The following CFAP58 variants were observed in gnomAD, a reference collection of about 807,000 sequenced individuals.
CFAP58 encodes the protein cilia and flagella associated protein 58, also known as cilia- and flagella-associated protein 58.
A neutral mutation model predicts 119.5 loss-of-function variants in CFAP58; 88 were observed. That is an observed-to-expected ratio of 0.74 (90% CI 0.62 to 0.88). The LOEUF (loss-of-function observed/expected upper bound fraction) is 0.88. Among genes scored for constraint, CFAP58 ranks in the 40% least tolerant of loss-of-function variants. The probability of loss-of-function intolerance (pLI) is 0.00; values close to 1 mark genes in which losing one functional copy is unlikely to be tolerated. For synonymous variants in CFAP58, 365 were observed against 366.3 expected (o/e 1.00, Z 0.04); for missense variants, 990 against 1,021.2 (o/e 0.97, Z 0.42).
intron 15 of CFAP58, among the ~76,000 whole-genome samples, chr10:104,413,844 A>T (rs916806886): frequency 2.6e-5 from 4 of 152,180 alleles, no homozygotes; most frequent in African/African-American, 9.7e-5. Context: ...ATAAGGCATG[A>T]TAGCATTGGA....
At chr10:104,421,189 A>C (rs1488765228) in intron 15 of CFAP58, among the ~76,000 whole-genome samples, 4 of 152,226 alleles carry the variant, frequency 2.6e-5, no homozygotes, top group African/African-American at 7.2e-5. Flanking sequence ...AGTAGTAGAT[A>C]TGGAACCTCA....
chr10:104,412,895 AAT>A (rs1391097827), intron 15 of CFAP58, among the ~76,000 whole-genome samples: 2 of 152,174 alleles, frequency 1.3e-5, no homozygotes, highest in African/African-American at 4.8e-5. Context: ...TCTTAGCTTA[AAT>A]ATTTTTTCCT....
rs117225345 is a variant in CFAP58, at chr10:104,394,186, A to G, written c.1674+711A>G. Reference sequence around the variant, plus strand: ...TTATGCCATTTTAAATCCTCTAACCAAATATGTTTCACTATACACACCACT... The same window carrying G: ...TTATGCCATTTTAAATCCTCTAACCGAATATGTTTCACTATACACACCACT... On this transcript the variant is annotated intron_variant, in intron 11 of 17. Coordinates refer to ENST00000369704, the MANE Select transcript of CFAP58 (RefSeq NM_001008723.2). Among the ~76,000 whole-genome samples, 1,118 of 152,306 alleles carry G rather than the reference A, an allele frequency of 7.3e-3. 12 individuals carry two copies. Among genetic ancestry groups the G allele is most frequent in the South Asian group, 0.056 (271 of 4,832 alleles).
chr10:104,347,076 A>G, the CFAP58 span, among the ~76,000 whole-genome samples: 723 of 152,184 alleles, frequency 4.8e-3, 13 homozygotes, highest in African/African-American at 0.015. Flanking sequence ...AGTCATACCC[A>G]AAAGTAATCT....
intron 14 of CFAP58, 63 bp downstream of exon 14, chr10:104,403,903 C>G: frequency 9.6e-7 from 1 of 1,043,820 alleles, no homozygotes; most frequent in Non-Finnish European, 1.4e-6. Context: ...CGCGAAGCTT[C>G]TAACCTAAAG....
chr10:104,412,411 C>G (rs1228314554), intron 15 of CFAP58, among the ~76,000 whole-genome samples: 2 of 151,982 alleles, frequency 1.3e-5, no homozygotes, highest in African/African-American at 4.8e-5. Context: ...TTAATCAATT[C>G]CTTATTTAGC....
intron 15 of CFAP58, among the ~76,000 whole-genome samples, chr10:104,407,710 AT>A (rs1411011841): frequency 6.6e-6 from 1 of 151,996 alleles, no homozygotes; most frequent in African/African-American, 2.4e-5. Context: ...TAATTAATTA[AT>A]TTTTTGAGAC....
intron 15 of CFAP58, among the ~76,000 whole-genome samples, chr10:104,446,268 T>C (rs1219237396): frequency 6.6e-6 from 1 of 152,270 alleles, no homozygotes; most frequent in Non-Finnish European, 1.5e-5. Context: ...TTCTCTTCTT[T>C]GGCACGGGCT....
chr10:104,415,366 A>G (rs2012534629), intron 15 of CFAP58, among the ~76,000 whole-genome samples: 2 of 152,104 alleles, frequency 1.3e-5, no homozygotes, highest in South Asian at 4.2e-4. Flanking sequence ...TCCTCTGAGG[A>G]ATCACACAGG....
chr10:104,375,792 G>GC (rs1306732503), intron 7 of CFAP58, among the ~76,000 whole-genome samples: 1 of 151,414 alleles, frequency 6.6e-6, no homozygotes, highest in Non-Finnish European at 1.5e-5. Flanking sequence ...ATGGGGTCGG[G>GC]GGGGGCTTCC....
Position 104,403,840 on chromosome 10 carries a change from G to A in CFAP58, c.2151G>A (p.Glu717=), listed in dbSNP as rs776078033. 1.9e-6 allele frequency: 3 copies of A among 1,593,960 alleles called. No individual in the cohort carries two copies. The highest frequency in any genetic ancestry group is 2.2e-5 in the South Asian group (2 of 89,084). Residue 717 remains glutamate (E), a splice_region_variant and synonymous_variant, in exon 14 of 18, where the codon GAG becomes GAA. Coordinates refer to ENST00000369704, the MANE Select transcript of CFAP58 (RefSeq NM_001008723.2). Reference sequence around the variant, plus strand: ...ATGTGCACAGATGGAGGAAGCTCGAGGTAACATCTGGCAGCGTGTTCTCCC... The same window carrying A: ...ATGTGCACAGATGGAGGAAGCTCGAAGTAACATCTGGCAGCGTGTTCTCCC... ...PLNVHRWRKL[E]ASDPNAYELI...
At chr10:104,413,182 A>G (rs2012487850) in intron 15 of CFAP58, among the ~76,000 whole-genome samples, 1 of 152,230 alleles carries the variant, frequency 6.6e-6, no homozygotes, top group Admixed American at 6.5e-5. Flanking sequence ...TTGCACAGTC[A>G]TTTAAGTTCG....
intron 10 of CFAP58, 143 bp from the exon 11 acceptor site, chr10:104,393,186 C>G: frequency 1.4e-6 from 1 of 736,750 alleles, no homozygotes; most frequent in Non-Finnish European, 2.2e-6. Context: ...GCACTAGAGA[C>G]AAAGGAATAG....
Position 104,365,915 on chromosome 10 carries a change from C to T in CFAP58, c.699C>T (p.Asp233=). The T allele has an allele frequency of 6.2e-7, 1 of 1,613,572 alleles. No individual in the cohort carries two copies. Among genetic ancestry groups the T allele is most frequent in the Non-Finnish European group, 8.5e-7 (1 of 1,179,798 alleles). Residue 233 remains aspartate, a synonymous_variant, in exon 5 of 18, where the codon GAC becomes GAT. Coordinates refer to ENST00000369704, the MANE Select transcript of CFAP58 (RefSeq NM_001008723.2). ...KELKQIQADM[D]SRQTEIKALQ... ...TCAAGCAGATTCAGGCAGACATGGA[C>T]AGCAGGCAGACAGAAATAAAAGCCC...
the CFAP58 span, among the ~76,000 whole-genome samples, chr10:104,341,390 G>C: frequency 1.3e-5 from 2 of 151,744 alleles, no homozygotes; most frequent in East Asian, 3.9e-4. Flanking sequence ...AAGTATCTGA[G>C]ACAATAGAAC....
the CFAP58 span, among the ~76,000 whole-genome samples, chr10:104,347,794 G>C: frequency 6.6e-6 from 1 of 152,080 alleles, no homozygotes; most frequent in Non-Finnish European, 1.5e-5. Flanking sequence ...CAAGAGAGCA[G>C]GTGTTGCTGG....
chr10:104,368,538 A>G lies in CFAP58; in HGVS notation c.908A>G (p.Gln303Arg). Reference protein sequence around the residue: ...LVCEQLSQENQQKALELKAKE... With the variant: ...LVCEQLSQENRQKALELKAKE... ...TGTGAGCAGCTATCCCAGGAAAACC[A>G]ACAGAAGGCGTTGGAGCTCAAAGTA... The change falls in exon 6 of 18, where the codon CAA becomes CGA. Residue 303 changes from glutamine (Q) to arginine (R), a missense_variant. Gln to Arg is a conservative substitution (Grantham distance 43). Coordinates refer to ENST00000369704, the MANE Select transcript of CFAP58 (RefSeq NM_001008723.2). 1.2e-6 allele frequency: 2 copies of G among 1,613,990 alleles called. No homozygotes were observed. Among genetic ancestry groups the G allele is most frequent in the Non-Finnish European group, 1.7e-6 (2 of 1,179,886 alleles).
the CFAP58 span, among the ~76,000 whole-genome samples, chr10:104,348,264 A>G: frequency 6.5e-3 from 988 of 152,310 alleles, 12 homozygotes; most frequent in African/African-American, 0.023. Context: ...TCAGGGCACA[A>G]TTGCTTTGCA....
intron 15 of CFAP58, among the ~76,000 whole-genome samples, chr10:104,410,067 A>G (rs2012436824): frequency 6.6e-6 from 1 of 152,170 alleles, no homozygotes; most frequent in African/African-American, 2.4e-5. Context: ...ACCACCACTC[A>G]GTATAATATT....
Sources: gnomAD v4.1 joint callset for allele counts (sites outside exome capture counted in the v4.1 genomes callset) on GRCh38, gnomAD v4.1.1 for gene constraint, MANE v1.5 for transcripts, NCBI Gene and HGNC (gene_info 2026-07-23, HGNC 2026-07-21) for gene names.